HDAC9: variants seen among roughly 807,000 people sequenced by gnomAD.
The protein encoded by HDAC9 is MEF-2 interacting transcription repressor (MITR) protein.
HDAC9 carries 41 observed loss-of-function variants against 139.4 expected under a neutral mutation model. The observed-to-expected ratio is 0.29, with a 90% CI of 0.23 to 0.38. The LOEUF (loss-of-function observed/expected upper bound fraction) is 0.38. Among genes scored for constraint, HDAC9 ranks in the 10% least tolerant of loss-of-function variants. The pLI is 1.00. For synonymous variants in HDAC9, 517 were observed against 476.2 expected (o/e 1.09, Z -1.12); for missense variants, 1,147 against 1,297.0 (o/e 0.88, Z 1.78).
chr7:18,832,883 G>A (rs1795959806), intron 19 of HDAC9, among the ~76,000 whole-genome samples: 1 of 151,980 alleles, frequency 6.6e-6, no homozygotes. Flanking sequence ...TTACAGGCAT[G>A]CGCCACCATA....
At chr7:18,346,022 T>A (rs1782393633) in intron 1 of HDAC9, among the ~76,000 whole-genome samples, 1 of 152,102 alleles carries the variant, frequency 6.6e-6, no homozygotes, top group Admixed American at 6.6e-5. Context: ...CTCAATTTTT[T>A]CTAGAGAGAC....
intron 2 of HDAC9, among the ~76,000 whole-genome samples, chr7:18,583,290 A>G (rs2128791737): frequency 6.6e-6 from 1 of 152,366 alleles, no homozygotes; most frequent in African/African-American, 2.4e-5. Context: ...ATGAGGGAAC[A>G]GAGGCCTAGG....
intron 1 of HDAC9, among the ~76,000 whole-genome samples, chr7:18,418,195 A>G (rs1789267721): frequency 6.6e-6 from 1 of 152,182 alleles, no homozygotes; most frequent in South Asian, 2.1e-4. Flanking sequence ...GCAGAAGGGT[A>G]AATTCAATTC....
chr7:18,774,529 T>G (rs1230758015), intron 16 of HDAC9, among the ~76,000 whole-genome samples: 2 of 152,102 alleles, frequency 1.3e-5, no homozygotes, highest in Non-Finnish European at 2.9e-5. Flanking sequence ...TGTAGTCTAT[T>G]AAGTTTACAG....
intron 2 of HDAC9, among the ~76,000 whole-genome samples, chr7:18,239,305 T>C (rs1000988072): frequency 4.6e-5 from 7 of 152,172 alleles, no homozygotes; most frequent in African/African-American, 1.4e-4. Flanking sequence ...TTGACAGATG[T>C]AACTCTCACA....
intron 19 of HDAC9, among the ~76,000 whole-genome samples, chr7:18,831,084 T>G (rs1795824932): frequency 6.6e-6 from 1 of 152,018 alleles, no homozygotes; most frequent in Non-Finnish European, 1.5e-5. Flanking sequence ...CTTTCTCAAT[T>G]TGTCAAAATT....
At chr7:18,327,978 G>A (rs1430184682) in intron 1 of HDAC9, among the ~76,000 whole-genome samples, 2 of 151,822 alleles carry the variant, frequency 1.3e-5, no homozygotes, top group Non-Finnish European at 2.9e-5. Context: ...CATACCAATT[G>A]GAAAAATCTA....
intron 1 of HDAC9, among the ~76,000 whole-genome samples, chr7:18,442,091 G>A (rs1791830258): frequency 6.6e-6 from 1 of 152,050 alleles, no homozygotes; most frequent in Admixed American, 6.6e-5. Context: ...ATTTAGAAGA[G>A]ATACAGTGAC....
At chr7:18,420,947 A>G (rs1329470151) in intron 1 of HDAC9, among the ~76,000 whole-genome samples, 2 of 152,228 alleles carry the variant, frequency 1.3e-5, no homozygotes, top group Non-Finnish European at 2.9e-5. Flanking sequence ...AGAACATTCC[A>G]GGCAGAAGTA....
chr7:18,089,209 ATT>A (rs11463784), intron 1 of HDAC9, among the ~76,000 whole-genome samples: 5 of 149,410 alleles, frequency 3.3e-5, no homozygotes, highest in Non-Finnish European at 7.4e-5. Flanking sequence ...TAGGAGACAG[ATT>A]TTTTTTTTTA....
At chr7:18,750,590 T>A (rs1788357163) in intron 14 of HDAC9, among the ~76,000 whole-genome samples, 2 of 152,202 alleles carry the variant, frequency 1.3e-5, no homozygotes, top group African/African-American at 4.8e-5. Flanking sequence ...ACTCATTTTT[T>A]TTTGCCAGTG....
At chr7:18,956,139 A>G (rs1020884684) in intron 24 of HDAC9, among the ~76,000 whole-genome samples, 69 of 152,040 alleles carry the variant, frequency 4.5e-4, no homozygotes, top group African/African-American at 1.5e-3. Context: ...TCCTGCCACT[A>G]AGGATTGTCA....
intron 1 of HDAC9, among the ~76,000 whole-genome samples, chr7:18,338,847 T>G (rs1660251739): frequency 6.6e-6 from 1 of 151,498 alleles, no homozygotes; most frequent in African/African-American, 2.4e-5. Flanking sequence ...TTATTATTAT[T>G]TTTTTAAATC....
chr7:18,865,478 T>C (rs932867885), intron 21 of HDAC9, among the ~76,000 whole-genome samples: 2 of 152,184 alleles, frequency 1.3e-5, no homozygotes, highest in Admixed American at 6.5e-5. Context: ...CTTATTCAGG[T>C]CTGGGCTGGT....
rs531734246 is a variant in HDAC9 at position 18,412,791 on chromosome 7, G to T, written c.-41-83471G>T. ...TGAGGTAAAAATTATGTAAAAATTA[G>T]AAGAAAAGGCCGTCTAGCAAAGGAA... On this transcript the variant is annotated intron_variant, in intron 1 of 3. Coordinates refer to the HDAC9 transcript ENST00000413509. Among the ~76,000 whole-genome samples the T allele has an allele frequency of 2.6e-5, 4 of 152,224 alleles. No individual in the cohort carries two copies. In the East Asian group the frequency reaches 7.7e-4, roughly 29 times the overall value.
At chr7:18,453,556 A>G (rs967939508) in intron 1 of HDAC9, among the ~76,000 whole-genome samples, 5 of 152,164 alleles carry the variant, frequency 3.3e-5, no homozygotes, top group Admixed American at 3.3e-4. Context: ...GGGAGTGCCT[A>G]AACTAGTGCC....
At position 19,001,529 on chromosome 7, in the gene HDAC9, T is replaced by G. The variant is rs1786747468; in HGVS notation, c.*5467T>G. On this transcript the variant is annotated 3_prime_UTR_variant, in exon 26 of 26. Transcript: ENST00000686413. The stretch of plus-strand genomic sequence containing the variant: ...GCTATTGGTTTTATTAACTTAAAAT[T>G]CAACAGAAATGGAGTAATTAAAAAA... 1 of 142,484 alleles carries G rather than the reference T, an allele frequency of 7.0e-6. No homozygotes were observed. Among genetic ancestry groups the G allele is most frequent in the Non-Finnish European group, 1.5e-5 (1 of 66,540 alleles). The allele number at this position is 142,484 out of a possible 1,614,324, so 8.8% of individuals were successfully genotyped here. A position where few individuals can be genotyped will look rare whatever the true frequency, so the allele number is the denominator to read the frequency against.
At chr7:18,899,145 G>A (rs28498417) in intron 22 of HDAC9, among the ~76,000 whole-genome samples, 12,485 of 151,946 alleles carry the variant, frequency 0.082, 801 homozygotes, top group African/African-American at 0.18. Context: ...CTATGGTTTG[G>A]CTGATTGAAA....
chr7:18,977,726 T>G (rs1449755890), intron 25 of HDAC9, among the ~76,000 whole-genome samples: 1 of 152,168 alleles, frequency 6.6e-6, no homozygotes, highest in African/African-American at 2.4e-5. Flanking sequence ...TCATGTTCAT[T>G]TATCACTTTT....
Sources: gnomAD v4.1 joint callset for allele counts (sites outside exome capture counted in the v4.1 genomes callset) on GRCh38, gnomAD v4.1.1 for gene constraint, MANE v1.5 for transcripts, NCBI Gene and HGNC (gene_info 2026-07-23, HGNC 2026-07-21) for gene names.